Variants in LPO observed in about 807,000 individuals in gnomAD.
The protein encoded by LPO is lactoperoxidase.
LPO carries 70 observed loss-of-function variants against 68.4 expected under a neutral mutation model. That is an observed-to-expected ratio of 1.02 (90% CI 0.84 to 1.25). LPO has a LOEUF of 1.25. Among genes scored for constraint, LPO ranks in the 50% most tolerant of loss-of-function variants. LPO has a pLI of 0.00. For synonymous variants in LPO, 360 were observed against 357.6 expected, an observed-to-expected ratio of 1.01 and a Z score of -0.08; for missense variants, 873 against 908.4, an observed-to-expected ratio of 0.96 and a Z score of 0.50.
intron 9 of LPO, among the ~76,000 whole-genome samples, chr17:58,261,088 G>A (rs1287808239): frequency 6.6e-6 from 1 of 152,182 alleles, no homozygotes; most frequent in Non-Finnish European, 1.5e-5. Flanking sequence ...TAAAAAGAAT[G>A]TGTATTCTGC....
At chr17:58,244,175 C>A in intron 3 of LPO, 94 bp downstream of exon 3, 1 of 1,007,520 alleles carries the variant, frequency 9.9e-7, no homozygotes, top group Non-Finnish European at 1.5e-6. Flanking sequence ...ACATCTAGGC[C>A]AGCCCGGATG....
intron 8 of LPO, among the ~76,000 whole-genome samples, chr17:58,254,322 A>C (rs1970027419): frequency 6.6e-6 from 1 of 151,926 alleles, no homozygotes; most frequent in African/African-American, 2.4e-5. Flanking sequence ...CCATCTCCAG[A>C]TTATTCTCCC....
At position 58,267,816 on chromosome 17, in the gene LPO, C is replaced by T. The variant is rs779565167; in HGVS notation, c.1961C>T (p.Thr654Met). ...RFWWENPGVF[T>M]NEQKDSLQKM... is the part of the protein sequence containing the mutation. Reference sequence around the variant, plus strand: ...TGGTGGGAAAACCCTGGGGTCTTCACGAACGAGCAGAAGGACTCTCTACAG... The same window carrying T: ...TGGTGGGAAAACCCTGGGGTCTTCATGAACGAGCAGAAGGACTCTCTACAG... Residue 654 changes from threonine (T) to methionine (M), a missense_variant, in exon 13 of 13, where the codon ACG (threonine) becomes ATG (methionine). Physicochemically the swap from Thr to Met is moderately conservative, Grantham distance 81. Coordinates refer to ENST00000262290, the MANE Select transcript of LPO (RefSeq NM_006151.3). The T allele has an allele frequency of 4.3e-5, 69 of 1,613,994 alleles. No homozygotes were observed. The highest frequency in any genetic ancestry group is 9.9e-5 in the South Asian group (9 of 91,076).
chr17:58,249,180 G>A lies in LPO; in HGVS notation c.443+3G>A. On this transcript the variant is annotated splice_donor_region_variant and intron_variant, in intron 5 of 12. Coordinates refer to ENST00000262290, the MANE Select transcript of LPO (RefSeq NM_006151.3). Reference sequence around the variant, plus strand: ...ATTACGGGAGACTGCAATAACAGGTGGCGGGGCTTGGGGTGTGGGGGCCGA... The same window carrying A: ...ATTACGGGAGACTGCAATAACAGGTAGCGGGGCTTGGGGTGTGGGGGCCGA... 1 of 1,613,158 alleles carries A rather than the reference G, an allele frequency of 6.2e-7. No individual in the cohort carries two copies.
At chr17:58,252,952 G>A (rs1292747733) in intron 8 of LPO, among the ~76,000 whole-genome samples, 1 of 148,886 alleles carries the variant, frequency 6.7e-6, no homozygotes, top group Admixed American at 6.7e-5. Flanking sequence ...GAACCCAGGA[G>A]GCGGAGGTTG....
At position 58,265,029 on chromosome 17, in the gene LPO, G is replaced by T. The variant is rs1970237691; in HGVS notation, c.1519+55G>T. 3.1e-6 allele frequency: 5 copies of T among 1,595,780 alleles called. No homozygotes were observed. The East Asian group carries it at 1.1e-4, about 36-fold the overall frequency. On this transcript the variant is annotated intron_variant, in intron 10 of 12. Coordinates refer to ENST00000262290, the MANE Select transcript of LPO (RefSeq NM_006151.3). ...TGGGTCTCCCACTCCGCAGCCTATT[G>T]TAGGGAAACTTGGGTTGGAAGTCAG...
chr17:58,245,168 C>A (rs1969830792), intron 3 of LPO, among the ~76,000 whole-genome samples: 2 of 152,322 alleles, frequency 1.3e-5, no homozygotes, highest in South Asian at 4.1e-4. Context: ...TAAAGCCAGA[C>A]CTGCTCTATT....
At chr17:58,254,777 G>A (rs779133428) in intron 8 of LPO, 34 bp from the exon 9 acceptor site, 4 of 1,610,744 alleles carry the variant, frequency 2.5e-6, no homozygotes, top group Middle Eastern at 1.7e-4. Flanking sequence ...GGGCTGTTAG[G>A]GAGAATCTAC....
intron 7 of LPO, 167 bp from the exon 8 acceptor site, chr17:58,252,015 G>A: frequency 1.3e-6 from 1 of 765,286 alleles, no homozygotes. Context: ...GATATTATGA[G>A]CCCAGGGTGT....
In LPO at chr17:58,264,989, G is replaced by A. The variant is rs1180947423; in HGVS notation, c.1519+15G>A. On this transcript the variant is annotated intron_variant, in intron 10 of 12. Coordinates refer to ENST00000262290, the MANE Select transcript of LPO (RefSeq NM_006151.3). ...GGTCAAAGATGGTATGCCCTTTCAG[G>A]GAAGTGCTGTCACCTGGGTCTCCCA... The A allele has an allele frequency of 1.9e-6, 3 of 1,612,608 alleles. No individual in the cohort carries two copies. The highest frequency in any genetic ancestry group is 1.7e-5 in the Admixed American group (1 of 60,014).
chr17:58,254,647 C>T lies in LPO; in HGVS notation c.1106-164C>T, dbSNP rs8178353. Reference sequence around the variant, plus strand: ...AGAACTGAGAGTCAAACCTATGATTCAGTACCCCCTCCCCATCCCTATTCA... The same window carrying T: ...AGAACTGAGAGTCAAACCTATGATTTAGTACCCCCTCCCCATCCCTATTCA... On this transcript the variant is annotated intron_variant, in intron 8 of 12. Transcript: ENST00000262290. The T allele has an allele frequency of 7.3e-4, 451 of 619,292 alleles. 1 individual carries two copies. The African/African-American group carries it at 7.9e-3, about 11-fold the overall frequency. 38.4% of individuals were successfully genotyped at this position (619,292 alleles called of 1,614,324 possible).
chr17:58,252,255 C>T lies in LPO; in HGVS notation c.854C>T (p.Pro285Leu). 2 of 1,614,178 alleles carry T rather than the reference C, an allele frequency of 1.2e-6. No individual in the cohort carries two copies. The highest frequency in any genetic ancestry group is 1.7e-6 in the Non-Finnish European group (2 of 1,180,038). The change falls in exon 8 of 13, where the codon CCC becomes CTC. Residue 285 changes from proline to leucine, a missense_variant. By Grantham distance (98) the Pro-to-Leu change is moderately conservative. Coordinates refer to ENST00000262290, the MANE Select transcript of LPO (RefSeq NM_006151.3). The stretch of plus-strand genomic sequence containing the variant: ...TTCTTCCGAGCTGGGTTCGTCTGCC[C>T]CACTCCACCCTACAAGTCCCTGGCC... ...MPFFRAGFVC[P>L]TPPYKSLARE...
rs1163975503 is a variant in LPO at position 58,267,353 on chromosome 17, C to T, written c.1698C>T (p.Tyr566=). The change falls in exon 12 of 13, where the codon TAC becomes TAT. Residue 566 remains tyrosine (Y), a synonymous_variant. Coordinates refer to ENST00000262290, the MANE Select transcript of LPO (RefSeq NM_006151.3). ...QRCRDHGQPG[Y]NSWRAFCDLS... Reference sequence around the variant, plus strand: ...GCCTCAGTCTCTCCACCCTAGGGTACAATTCCTGGAGAGCCTTCTGTGACC... The same window carrying T: ...GCCTCAGTCTCTCCACCCTAGGGTATAATTCCTGGAGAGCCTTCTGTGACC... The T allele has an allele frequency of 6.2e-7, 1 of 1,613,804 alleles. No individual in the cohort carries two copies. The highest frequency in any genetic ancestry group is 8.5e-7 in the Non-Finnish European group (1 of 1,179,722).
At position 58,249,136 on chromosome 17, in the gene LPO, G is replaced by A. The variant is rs570760654; in HGVS notation, c.402G>A (p.Pro134=). The A allele has an allele frequency of 1.9e-6, 3 of 1,614,216 alleles. No individual in the cohort carries two copies. Among genetic ancestry groups the A allele is most frequent in the East Asian group, 4.5e-5 (2 of 44,878 alleles). Residue 134 remains proline (P), a synonymous_variant, in exon 5 of 13, where the codon CCG becomes CCA. Coordinates refer to ENST00000262290, the MANE Select transcript of LPO (RefSeq NM_006151.3). The part of the protein sequence containing the change: ...GAPAPVVRCD[P]CSPYRTITGD... ...CTGCTCCCGTGGTGAGATGCGACCC[G>A]TGCAGCCCTTACCGCACCATTACGG...
intron 9 of LPO, among the ~76,000 whole-genome samples, chr17:58,255,179 T>C (rs1466045064): frequency 6.6e-6 from 1 of 152,222 alleles, no homozygotes; most frequent in Admixed American, 6.5e-5. Flanking sequence ...AATGAATCTC[T>C]GGATTTGGAG....
rs962069116 is a variant in LPO, at chr17:58,250,750, C to A, written c.780+129C>A. The A allele has an allele frequency of 4.6e-6, 4 of 865,206 alleles. No homozygotes were observed. In the African/African-American group the frequency reaches 6.7e-5, roughly 14 times the overall value. 53.6% of individuals were successfully genotyped at this position (865,206 alleles called of 1,614,324 possible). The stretch of plus-strand genomic sequence containing the variant: ...TGATTTGGTAGTTTCCCATGCCTCA[C>A]GTGTCCATTCGTTCACTCATCCGTT... On this transcript the variant is annotated intron_variant, in intron 7 of 12. Transcript: ENST00000262290.
At chr17:58,266,462 T>C in intron 11 of LPO, 136 bp downstream of exon 11, 1 of 1,016,856 alleles carries the variant, frequency 9.8e-7, no homozygotes, top group South Asian at 1.7e-5. Flanking sequence ...GTTTTTTTTG[T>C]TTGAGGTTTT....
intron 4 of LPO, among the ~76,000 whole-genome samples, chr17:58,248,818 T>A (rs1045460034): frequency 3.3e-5 from 5 of 152,220 alleles, no homozygotes; most frequent in Non-Finnish European, 7.3e-5. Context: ...CCAGTTACTC[T>A]GTGTGGCCTT....
At chr17:58,249,241 T>G (rs1969910426) in intron 5 of LPO, 64 bp downstream of exon 5, 13 of 1,457,008 alleles carry the variant, frequency 8.9e-6, no homozygotes, top group Non-Finnish European at 1.2e-5. Context: ...TGCCAAGGCC[T>G]TTGTCCCTTG....
Sources: allele counts gnomAD v4.1 joint callset (sites outside exome capture counted in the v4.1 genomes callset), GRCh38; gene constraint gnomAD v4.1.1; transcripts MANE v1.5; gene names NCBI Gene and HGNC (gene_info 2026-07-23, HGNC 2026-07-21).